RALGAPA1: variants seen among roughly 807,000 people sequenced by gnomAD.
The protein encoded by RALGAPA1 is ral GTPase-activating protein subunit alpha-1.
In RALGAPA1, 52 loss-of-function variants were observed where a neutral mutation model predicts 269.6. The observed-to-expected ratio is 0.19, with a 90% CI of 0.15 to 0.24. The LOEUF is 0.24. RALGAPA1 is among the 10% of genes least tolerant of loss of function. RALGAPA1 has a pLI of 1.00. For missense variants in RALGAPA1, 1,917 were observed against 3,013.9 expected (o/e 0.64, Z 8.52); for synonymous variants, 817 against 1,008.3 (o/e 0.81, Z 3.60).
chr14:35,571,728 A>C (rs2057217902), intron 38 of RALGAPA1, among the ~76,000 whole-genome samples: 1 of 152,094 alleles, frequency 6.6e-6, no homozygotes, highest in African/African-American at 2.4e-5. Flanking sequence ...CACCACCACC[A>C]ACAAAATGTC....
intron 16 of RALGAPA1, among the ~76,000 whole-genome samples, chr14:35,719,853 C>T (rs964527806): frequency 1.1e-4 from 16 of 152,190 alleles, no homozygotes; most frequent in African/African-American, 1.2e-4. Context: ...TGGGTTCAAG[C>T]GATTCTCCTG....
chr14:35,738,713 G>A (rs1360483420), intron 11 of RALGAPA1, 63 bp from the exon 12 acceptor site: 4 of 1,346,324 alleles, frequency 3.0e-6, no homozygotes, highest in African/African-American at 2.9e-5. Context: ...AGTCAGTTAA[G>A]TTGAAAAGGT....
Position 35,742,560 on chromosome 14 carries a change from A to G in RALGAPA1, c.1257T>C (p.Phe419=). ...CTGCTGCTTCACAAATTGGTAATAA[A>G]AATGCCTAGGGAAAAAAAGGAGAAT... ...NFVTEIFRQA[F]LLPICEAAAM... Residue 419 remains phenylalanine (F), a synonymous_variant, in exon 11 of 42, where the codon TTT becomes TTC. Coordinates refer to ENST00000680220, the MANE Select transcript of RALGAPA1 (RefSeq NM_001346249.2). 6.2e-7 allele frequency: 1 copy of G among 1,606,690 alleles called. No homozygotes were observed. Among genetic ancestry groups the G allele is most frequent in the Non-Finnish European group, 8.5e-7 (1 of 1,173,980 alleles).
chr14:35,780,049 G>A (rs1266689745), intron 1 of RALGAPA1, among the ~76,000 whole-genome samples: 1 of 151,886 alleles, frequency 6.6e-6, no homozygotes, highest in African/African-American at 2.4e-5. Flanking sequence ...GGAGGTTGCA[G>A]TGAGTCAAGA....
chr14:35,646,372 A>G (rs1775665180), intron 31 of RALGAPA1, among the ~76,000 whole-genome samples: 1 of 152,194 alleles, frequency 6.6e-6, no homozygotes, highest in African/African-American at 2.4e-5. Context: ...GTTAGCACCA[A>G]TCAGTAATGA....
At chr14:35,682,323 C>T (rs1439013651) in intron 21 of RALGAPA1, among the ~76,000 whole-genome samples, 4 of 150,172 alleles carry the variant, frequency 2.7e-5, no homozygotes, top group African/African-American at 9.8e-5. Flanking sequence ...TTTTTTGAGA[C>T]GGAGTCTTGC....
chr14:35,687,898 T>C (rs766375300), intron 18 of RALGAPA1, among the ~76,000 whole-genome samples: 2 of 152,234 alleles, frequency 1.3e-5, no homozygotes, highest in Non-Finnish European at 2.9e-5. Flanking sequence ...TTAAATTCAC[T>C]TTGAGATTTA....
chr14:35,609,046 G>A (rs2059760737), intron 35 of RALGAPA1, among the ~76,000 whole-genome samples: 1 of 152,042 alleles, frequency 6.6e-6, no homozygotes, highest in African/African-American at 2.4e-5. Flanking sequence ...CTAACACGGT[G>A]TAACCCCGTC....
intron 31 of RALGAPA1, among the ~76,000 whole-genome samples, chr14:35,645,855 G>C (rs894205895): frequency 2.0e-5 from 3 of 152,086 alleles, no homozygotes; most frequent in African/African-American, 7.2e-5. Context: ...TAATTTCAGG[G>C]CTGGGACAGG....
At chr14:35,568,976 A>G (rs1176561900) in intron 39 of RALGAPA1, among the ~76,000 whole-genome samples, 1 of 152,228 alleles carries the variant, frequency 6.6e-6, no homozygotes, top group Non-Finnish European at 1.5e-5. Context: ...ATTTCACTAA[A>G]ATGACTACTT....
chr14:35,644,701 C>T (rs954342414), intron 31 of RALGAPA1, among the ~76,000 whole-genome samples: 1 of 151,856 alleles, frequency 6.6e-6, no homozygotes, highest in South Asian at 2.1e-4. Context: ...ATAAGGAAAA[C>T]GGGGAAGGAT....
At chr14:35,607,556 C>T (rs956888347) in intron 35 of RALGAPA1, among the ~76,000 whole-genome samples, 1 of 152,178 alleles carries the variant, frequency 6.6e-6, no homozygotes, top group Non-Finnish European at 1.5e-5. Context: ...GCCAGAAGAG[C>T]GAGCTAAGAC....
chr14:35,557,136 G>GTA (rs1555355540), intron 39 of RALGAPA1, among the ~76,000 whole-genome samples: 48 of 148,210 alleles, frequency 3.2e-4, no homozygotes, highest in Non-Finnish European at 4.9e-4. Flanking sequence ...GTGTGTGTGT[G>GTA]TATATATATT....
intron 31 of RALGAPA1, among the ~76,000 whole-genome samples, chr14:35,638,315 A>G (rs1029654195): frequency 6.6e-6 from 1 of 152,214 alleles, no homozygotes; most frequent in African/African-American, 2.4e-5. Context: ...AAAAAGTTAA[A>G]AAGCAGGGGG....
chr14:35,801,142 G>T (rs76185877), intron 1 of RALGAPA1, among the ~76,000 whole-genome samples: 3,300 of 148,910 alleles, frequency 0.022, 122 homozygotes, highest in South Asian at 0.14. Flanking sequence ...CAATAAAAGC[G>T]ATAAGACTCT....
chr14:35,649,056 T>C (rs1240760507), intron 31 of RALGAPA1, among the ~76,000 whole-genome samples: 1 of 152,248 alleles, frequency 6.6e-6, no homozygotes, highest in Non-Finnish European at 1.5e-5. Flanking sequence ...ATACTACTCA[T>C]GTACTGACAA....
chr14:35,797,357 A>AAAAAAAAAAAAAAC (rs2076646677), intron 1 of RALGAPA1, among the ~76,000 whole-genome samples: 1 of 151,350 alleles, frequency 6.6e-6, no homozygotes, highest in African/African-American at 2.4e-5. Flanking sequence ...GTCTCAAAAA[A>AAAAAAAAAAAAAAC]AAAAAAAAAA....
chr14:35,673,075 T>C (rs1191882626), intron 24 of RALGAPA1, 53 bp from the exon 25 acceptor site: 2 of 1,357,200 alleles, frequency 1.5e-6, no homozygotes, highest in African/African-American at 1.5e-5. Context: ...ATTTGCTAAA[T>C]AACTTAAGCA....
chr14:35,788,715 T>G (rs979146590), intron 1 of RALGAPA1, among the ~76,000 whole-genome samples: 1 of 152,226 alleles, frequency 6.6e-6, no homozygotes, highest in African/African-American at 2.4e-5. Flanking sequence ...CCCTCTGCCA[T>G]AATGTCATAA....
Sources: gnomAD v4.1 joint callset for allele counts (sites outside exome capture counted in the v4.1 genomes callset) on GRCh38, gnomAD v4.1.1 for gene constraint, MANE v1.5 for transcripts, NCBI Gene and HGNC (gene_info 2026-07-23, HGNC 2026-07-21) for gene names.